Variants in SLAIN2 observed in about 807,000 individuals in gnomAD.
SLAIN2 encodes the protein SLAIN family member 2.
SLAIN2 carries 31 observed loss-of-function variants against 56.6 expected under a neutral mutation model. That is an observed-to-expected ratio of 0.55 (90% CI 0.41 to 0.74). The LOEUF (loss-of-function observed/expected upper bound fraction) is 0.74, where lower values mean the gene tolerates loss of function less well. Ranked by LOEUF, SLAIN2 falls within the 30% of genes least tolerant of loss-of-function variation. SLAIN2 has a pLI of 0.00. For missense variants in SLAIN2, 777 were observed against 754.2 expected (o/e 1.03, Z -0.35); for synonymous variants, 317 against 284.9 (o/e 1.11, Z -1.13).
rs988904763 is a variant in SLAIN2, at chr4:48,376,685, G to A, written c.539-1211G>A. 1.7e-3 allele frequency among the ~76,000 whole-genome samples: 225 copies of A among 132,308 alleles called. 1 individual carries two copies. Among genetic ancestry groups the A allele is most frequent in the African/African-American group, 5.2e-3 (182 of 34,812 alleles). 86.8% of individuals were successfully genotyped at this position (132,308 alleles called of 152,430 possible). The stretch of plus-strand genomic sequence containing the variant: ...CACCCAGGCTGGAGTGCAGTGGCTC[G>A]ATATCGGCTCACTGCAAGCCCCGCC... On this transcript the variant is annotated intron_variant, in intron 2 of 7. Coordinates refer to ENST00000264313, the MANE Select transcript of SLAIN2 (RefSeq NM_020846.2).
chr4:48,410,810 C>T (rs529360784), intron 6 of SLAIN2, among the ~76,000 whole-genome samples: 3 of 152,342 alleles, frequency 2.0e-5, no homozygotes, highest in East Asian at 1.9e-4. Context: ...GATTAACTAA[C>T]ATCAGCGTTA....
rs1166893917 is a variant in SLAIN2 at position 48,369,963 on chromosome 4, A to G, written c.504A>G (p.Lys168=). 1 of 1,613,604 alleles carries G rather than the reference A, an allele frequency of 6.2e-7. No homozygotes were observed. The highest frequency in any genetic ancestry group is 1.1e-5 in the South Asian group (1 of 91,054). ...GTCCTGATGTTGAGTGTGCTAAAAA[A>G]TCTCTTATCCACAAACTTGATCAAA... ...YPSPDVECAK[K]SLIHKLDQTM... Residue 168 remains lysine (K), a synonymous_variant, in exon 2 of 8, where the codon AAA becomes AAG. Coordinates refer to ENST00000264313, the MANE Select transcript of SLAIN2 (RefSeq NM_020846.2).
At chr4:48,378,398 C>CT (rs1244361416) in intron 3 of SLAIN2, among the ~76,000 whole-genome samples, 1 of 152,048 alleles carries the variant, frequency 6.6e-6, no homozygotes, top group Non-Finnish European at 1.5e-5. Flanking sequence ...GAGTTAAAAC[C>CT]TCTTTATAGG....
At chr4:48,357,003 A>G (rs1283489703) in intron 1 of SLAIN2, among the ~76,000 whole-genome samples, 3 of 152,020 alleles carry the variant, frequency 2.0e-5, no homozygotes, top group Non-Finnish European at 4.4e-5. Context: ...ATGTCACTTC[A>G]GTGCTTGAAA....
chr4:48,420,336 C>A lies in SLAIN2; in HGVS notation c.1572C>A (p.Thr524=), dbSNP rs771454115. 1.9e-6 allele frequency: 3 copies of A among 1,614,010 alleles called. No individual in the cohort carries two copies. The African/African-American group carries it at 4.0e-5, about 22-fold the overall frequency. Reference sequence around the variant, plus strand: ...GCAATATCAACAGCGCTACTCTAACCAGACCTGCAGGGACAACTGCAATGA... The same window carrying A: ...GCAATATCAACAGCGCTACTCTAACAAGACCTGCAGGGACAACTGCAATGA... The part of the protein sequence containing the change: ...PPSNINSATL[T]RPAGTTAMRS... The change falls in exon 7 of 8, where the codon ACC becomes ACA. Residue 524 remains threonine, a synonymous_variant. Coordinates refer to ENST00000264313, the MANE Select transcript of SLAIN2 (RefSeq NM_020846.2).
chr4:48,401,290 T>C (rs1451682950), intron 6 of SLAIN2, among the ~76,000 whole-genome samples: 2 of 152,188 alleles, frequency 1.3e-5, no homozygotes, highest in Non-Finnish European at 2.9e-5. Flanking sequence ...ATCTATCAGG[T>C]CCACTTAATT....
At chr4:48,364,861 CG>C (rs1715466620) in intron 1 of SLAIN2, among the ~76,000 whole-genome samples, 1 of 71,176 alleles carries the variant, frequency 1.4e-5, no homozygotes, top group Non-Finnish European at 2.5e-5. Flanking sequence ...CGTGGGGAGA[CG>C]GAGACGGGAG....
chr4:48,355,190 A>G (rs1386382467), intron 1 of SLAIN2, among the ~76,000 whole-genome samples: 2 of 152,124 alleles, frequency 1.3e-5, no homozygotes, highest in African/African-American at 4.8e-5. Flanking sequence ...AAAAATTTTC[A>G]TTGTTATATT....
intron 1 of SLAIN2, among the ~76,000 whole-genome samples, chr4:48,342,703 T>C (rs1418662445): frequency 1.5e-5 from 2 of 133,252 alleles, no homozygotes; most frequent in Admixed American, 8.3e-5. Flanking sequence ...GGGCAGAGGA[T>C]GGTGCTGCTT....
chr4:48,379,930 T>C, intron 4 of SLAIN2, 82 bp downstream of exon 4: 2 of 1,221,908 alleles, frequency 1.6e-6, no homozygotes, highest in Non-Finnish European at 2.2e-6. Context: ...TAAAGTATTG[T>C]GGGGGTAGTA....
rs3081372 is a variant in SLAIN2, at chr4:48,400,388, CTTTTTTTTTTTTTTTT to C, written c.1360+16615_1360+16630del. On this transcript the variant is annotated intron_variant, in intron 6 of 7. Transcript: ENST00000264313. ...TTCTGATTGTGTCTGTTTGATTCTT[CTTTTTTTTTTTTTTTT>C]TTTTTTTTTTGAGACAGAGTCTTGC... Among the ~76,000 whole-genome samples, 4 of 96,444 alleles carry C rather than the reference CTTTTTTTTTTTTTTTT, an allele frequency of 4.1e-5. No homozygotes were observed. The Admixed American group carries it at 5.0e-4, about 12-fold the overall frequency. 63.3% of individuals were successfully genotyped at this position (96,444 alleles called of 152,430 possible). A position where few individuals can be genotyped will look rare whatever the true frequency, so the allele number is the denominator to read the frequency against.
intron 4 of SLAIN2, among the ~76,000 whole-genome samples, chr4:48,381,387 T>C (rs1259675510): frequency 1.3e-5 from 2 of 152,206 alleles, no homozygotes; most frequent in African/African-American, 4.8e-5. Context: ...TTTTCCTTTT[T>C]ACAACATTGT....
At chr4:48,413,138 G>C (rs1716908882) in intron 6 of SLAIN2, among the ~76,000 whole-genome samples, 1 of 152,046 alleles carries the variant, frequency 6.6e-6, no homozygotes, top group Admixed American at 6.6e-5. Context: ...TGAGGCACGA[G>C]AGTCGCTTGA....
chr4:48,420,426 T>C lies in SLAIN2; in HGVS notation c.1662T>C (p.Leu554=). The C allele has an allele frequency of 6.2e-7, 1 of 1,613,808 alleles. No homozygotes were observed. The highest frequency in any genetic ancestry group is 8.5e-7 in the Non-Finnish European group (1 of 1,179,720). ...AGGIPVPRSK[L]AQPVRRSLPA... is the part of the protein sequence containing the mutation. Reference sequence around the variant, plus strand: ...GCATACCAGTGCCTCGCAGCAAACTTGCACAGCCTGTTCGCAGGTAAGTGG... The same window carrying C: ...GCATACCAGTGCCTCGCAGCAAACTCGCACAGCCTGTTCGCAGGTAAGTGG... The change falls in exon 7 of 8, where the codon CTT becomes CTC. Residue 554 remains leucine (L), a synonymous_variant. Transcript: ENST00000264313.
intron 1 of SLAIN2, among the ~76,000 whole-genome samples, chr4:48,346,768 T>C (rs1234322059): frequency 2.0e-5 from 3 of 152,030 alleles, no homozygotes; most frequent in Admixed American, 6.6e-5. Flanking sequence ...TTTAAAGTAA[T>C]GTGGTTTGTG....
At chr4:48,411,568 T>C (rs1658599146) in intron 6 of SLAIN2, among the ~76,000 whole-genome samples, 1 of 151,942 alleles carries the variant, frequency 6.6e-6, no homozygotes, top group Non-Finnish European at 1.5e-5. Context: ...TTATCTGGAA[T>C]GTCCCTGTTC....
chr4:48,422,177 G>A lies in SLAIN2; in HGVS notation c.*100G>A. 1 of 880,778 alleles carries A rather than the reference G, an allele frequency of 1.1e-6. No individual in the cohort carries two copies. The highest frequency in any genetic ancestry group is 1.8e-6 in the Non-Finnish European group (1 of 558,710). 54.6% of individuals were successfully genotyped at this position (880,778 alleles called of 1,614,324 possible). On this transcript the variant is annotated 3_prime_UTR_variant, in exon 8 of 8. Coordinates refer to ENST00000264313, the MANE Select transcript of SLAIN2 (RefSeq NM_020846.2). ...GCAGACTGTTCAGATAAGACTCTTG[G>A]GATTTATAAAATCCCAGCCCTCTCT...
At position 48,341,863 on chromosome 4, in the gene SLAIN2, G is replaced by C. The variant is rs1714710218; in HGVS notation, c.124G>C (p.Gly42Arg). Residue 42 changes from glycine to arginine, a missense_variant, in exon 1 of 8, where the codon GGC becomes CGC. Transcript: ENST00000264313. Reference protein sequence around the residue: ...RSRSGAVQGAGSLGPGSPVRA... With the variant: ...RSRSGAVQGARSLGPGSPVRA... The stretch of plus-strand genomic sequence containing the variant: ...CCGCTCGGGGGCCGTGCAGGGCGCC[G>C]GCTCCCTTGGGCCCGGCAGCCCGGT... The C allele has an allele frequency of 1.3e-6, 2 of 1,519,306 alleles. No individual in the cohort carries two copies. The highest frequency in any genetic ancestry group is 1.8e-6 in the Non-Finnish European group (2 of 1,134,258). 94.1% of individuals were successfully genotyped at this position (1,519,306 alleles called of 1,614,324 possible). A position where few individuals can be genotyped will look rare whatever the true frequency, so the allele number is the denominator to read the frequency against.
intron 1 of SLAIN2, among the ~76,000 whole-genome samples, chr4:48,360,018 G>A (rs1408804716): frequency 1.3e-5 from 2 of 152,088 alleles, no homozygotes; most frequent in Non-Finnish European, 2.9e-5. Flanking sequence ...GCTGGGCATG[G>A]TAGTGCGCAC....
Sources: gnomAD v4.1 joint callset for allele counts (sites outside exome capture counted in the v4.1 genomes callset) on GRCh38, gnomAD v4.1.1 for gene constraint, MANE v1.5 for transcripts, NCBI Gene and HGNC (gene_info 2026-07-23, HGNC 2026-07-21) for gene names.